The following CHCHD6 variants were observed in gnomAD, a reference collection of about 807,000 sequenced individuals.
The protein encoded by CHCHD6 is coiled-coil-helix-coiled-coil-helix domain containing 6, also known as MICOS complex subunit MIC25.
CHCHD6 carries 28 observed loss-of-function variants against 32.3 expected under a neutral mutation model. The observed-to-expected ratio is 0.87, with a 90% CI of 0.64 to 1.19. The LOEUF (loss-of-function observed/expected upper bound fraction) is 1.19. CHCHD6 is among the 50% of genes most tolerant of loss of function. The probability of loss-of-function intolerance (pLI) is 0.00; values close to 1 mark genes in which losing one functional copy is unlikely to be tolerated. For synonymous variants in CHCHD6, 122 were observed against 117.5 expected (o/e 1.04, Z -0.25); for missense variants, 333 against 307.0 (o/e 1.08, Z -0.63).
At chr3:126,897,998 A>G (rs950014129) in intron 5 of CHCHD6, among the ~76,000 whole-genome samples, 8 of 152,190 alleles carry the variant, frequency 5.3e-5, no homozygotes, top group African/African-American at 1.9e-4. Context: ...CATGAGGACC[A>G]CCCTGGTGTG....
chr3:126,893,205 G>A (rs1029357994), intron 5 of CHCHD6, among the ~76,000 whole-genome samples: 1 of 152,158 alleles, frequency 6.6e-6, no homozygotes, highest in African/African-American at 2.4e-5. Context: ...GTGATCTGCT[G>A]TCTCGGCTGG....
At chr3:126,833,763 AC>A (rs1940735036) in intron 4 of CHCHD6, among the ~76,000 whole-genome samples, 1 of 152,210 alleles carries the variant, frequency 6.6e-6, no homozygotes, top group South Asian at 2.1e-4. Flanking sequence ...TGTTAGAATT[AC>A]CAATAACGTG....
intron 6 of CHCHD6, among the ~76,000 whole-genome samples, chr3:126,954,364 G>A (rs2078755669): frequency 6.6e-6 from 1 of 152,192 alleles, no homozygotes; most frequent in Admixed American, 6.5e-5. Context: ...GGGGAGAGGG[G>A]CAAATGTGGC....
At chr3:126,863,561 C>T (rs1200734221) in intron 5 of CHCHD6, among the ~76,000 whole-genome samples, 1 of 140,710 alleles carries the variant, frequency 7.1e-6, no homozygotes, top group African/African-American at 2.8e-5. Flanking sequence ...ACCACCTCCT[C>T]CTCCACCATC....
chr3:126,889,404 C>G (rs2077724875), intron 5 of CHCHD6, among the ~76,000 whole-genome samples: 1 of 152,200 alleles, frequency 6.6e-6, no homozygotes, highest in South Asian at 2.1e-4. Context: ...ACACCAGTCA[C>G]TTCCATGCTA....
intron 5 of CHCHD6, among the ~76,000 whole-genome samples, chr3:126,914,262 A>G (rs1220506170): frequency 6.6e-6 from 1 of 152,200 alleles, no homozygotes; most frequent in Non-Finnish European, 1.5e-5. Context: ...TTTTTTCTTT[A>G]AAGATAGTAA....
intron 5 of CHCHD6, among the ~76,000 whole-genome samples, chr3:126,881,735 C>T (rs1576548626): frequency 6.6e-6 from 1 of 152,100 alleles, no homozygotes; most frequent in East Asian, 1.9e-4. Flanking sequence ...TATCTTTTTG[C>T]ACTTAATGAC....
chr3:126,777,125 T>C (rs1374564908), intron 4 of CHCHD6, among the ~76,000 whole-genome samples: 1 of 152,200 alleles, frequency 6.6e-6, no homozygotes, highest in Non-Finnish European at 1.5e-5. Context: ...TGTCATTTCT[T>C]CTCCCCTCCC....
intron 5 of CHCHD6, among the ~76,000 whole-genome samples, chr3:126,911,843 G>T (rs1029913322): frequency 1.1e-4 from 16 of 152,254 alleles, no homozygotes; most frequent in Admixed American, 8.5e-4. Flanking sequence ...TCTCTGAGAA[G>T]GTTGGCAACA....
intron 5 of CHCHD6, among the ~76,000 whole-genome samples, chr3:126,868,740 T>C (rs1185921081): frequency 1.3e-5 from 2 of 152,236 alleles, no homozygotes; most frequent in African/African-American, 2.4e-5. Context: ...TCTATGTGCA[T>C]GTGCCATAAT....
At chr3:126,795,890 C>G (rs1194007245) in intron 4 of CHCHD6, among the ~76,000 whole-genome samples, 1 of 152,060 alleles carries the variant, frequency 6.6e-6, no homozygotes, top group East Asian at 1.9e-4. Context: ...GTTAGAGGAG[C>G]CTTCTTGCTT....
intron 1 of CHCHD6, among the ~76,000 whole-genome samples, chr3:126,714,207 T>A (rs890952210): frequency 6.6e-6 from 1 of 152,046 alleles, no homozygotes; most frequent in African/African-American, 2.4e-5. Flanking sequence ...GCAAAGTGGC[T>A]ACACTCTTCA....
rs551926042 is a variant in CHCHD6, at chr3:126,821,424, A to G, written c.412-31223A>G. Among the ~76,000 whole-genome samples the G allele has an allele frequency of 3.9e-5, 6 of 152,148 alleles. No individual in the cohort carries two copies. The South Asian group carries it at 6.2e-4, about 16-fold the overall frequency. ...TTCTCCTGCCTTACTGAGCCTCCCG[A>G]GTAGCTGGGATTACAGGTGCCCACC... is the stretch of plus-strand genomic sequence containing the variant. On this transcript the variant is annotated intron_variant, in intron 4 of 7. Transcript: ENST00000290913.
At chr3:126,796,816 C>T (rs368620126) in intron 4 of CHCHD6, among the ~76,000 whole-genome samples, 10 of 152,266 alleles carry the variant, frequency 6.6e-5, no homozygotes, top group African/African-American at 2.4e-4. Flanking sequence ...CTCGAAGCCT[C>T]TGTGGCCAAA....
At chr3:126,958,920 A>G (rs1205887147) in intron 7 of CHCHD6, among the ~76,000 whole-genome samples, 1 of 152,132 alleles carries the variant, frequency 6.6e-6, no homozygotes, top group Non-Finnish European at 1.5e-5. Flanking sequence ...CACACACCCA[A>G]TCAAGGGCAG....
chr3:126,820,982 C>T (rs745655484), intron 4 of CHCHD6, among the ~76,000 whole-genome samples: 28 of 152,188 alleles, frequency 1.8e-4, no homozygotes, highest in Non-Finnish European at 3.8e-4. Flanking sequence ...TCCCCCTCAC[C>T]CTTCAGCCCT....
intron 4 of CHCHD6, among the ~76,000 whole-genome samples, chr3:126,851,764 T>G (rs1941481791): frequency 6.6e-6 from 1 of 152,240 alleles, no homozygotes; most frequent in South Asian, 2.1e-4. Context: ...TGACCCTTTA[T>G]GGAGGTCTAT....
At chr3:126,856,366 T>C (rs1044858322) in intron 5 of CHCHD6, among the ~76,000 whole-genome samples, 2 of 152,186 alleles carry the variant, frequency 1.3e-5, no homozygotes, top group African/African-American at 4.8e-5. Flanking sequence ...GGAATGGATC[T>C]CTGGGTTGGC....
chr3:126,793,429 C>T (rs1317404206), intron 4 of CHCHD6, among the ~76,000 whole-genome samples: 5 of 152,092 alleles, frequency 3.3e-5, no homozygotes, highest in African/African-American at 1.2e-4. Context: ...GATATACCTA[C>T]TTACCACAGT....
Sources: gnomAD v4.1 joint callset for allele counts (sites outside exome capture counted in the v4.1 genomes callset) on GRCh38, gnomAD v4.1.1 for gene constraint, MANE v1.5 for transcripts, NCBI Gene and HGNC (gene_info 2026-07-23, HGNC 2026-07-21) for gene names.